Variants in PRH1 observed in about 807,000 individuals in gnomAD.
PRH1 encodes salivary acidic proline-rich phosphoprotein 1/2.
PRH1 carries 7 observed loss-of-function variants against 7.9 expected under a neutral mutation model. The observed-to-expected ratio is 0.89, with a 90% CI of 0.50 to 1.67. PRH1 has a LOEUF of 1.67. PRH1 is among the 40% of genes most tolerant of loss of function. PRH1 has a pLI of 0.00. For missense variants in PRH1, 109 were observed against 223.6 expected, an observed-to-expected ratio of 0.49 and a Z score of 3.27; for synonymous variants, 45 against 80.8, an observed-to-expected ratio of 0.56 and a Z score of 2.38.
chr12:11,151,015 C>T (rs1947064073), intron 1 of PRH1, among the ~76,000 whole-genome samples: 1 of 152,164 alleles, frequency 6.6e-6, no homozygotes, highest in Admixed American at 6.5e-5. Context: ...GCCTTTGAAA[C>T]TGGAGTCATA....
At position 10,997,961 on chromosome 12, in the gene PRH1, G is replaced by A. The variant is rs934160984; in HGVS notation, c.-125-24240C>T. The A allele has an allele frequency of 1.4e-5, 11 of 781,932 alleles. No individual in the cohort carries two copies. The African/African-American group carries it at 1.9e-4, about 14-fold the overall frequency. 48.4% of individuals were successfully genotyped at this position (781,932 alleles called of 1,614,324 possible). A position where few individuals can be genotyped will look rare whatever the true frequency, so the allele number is the denominator to read the frequency against. ...ATATTCAAGACTTTAAGTTAAATATGCACTTGATTCCTGAATGTCCAATAA... is the reference window on the plus strand; with the variant it reads ...ATATTCAAGACTTTAAGTTAAATATACACTTGATTCCTGAATGTCCAATAA... On this transcript the variant is annotated intron_variant, in intron 1 of 3. Transcript: ENST00000539853.
intron 1 of PRH1, among the ~76,000 whole-genome samples, chr12:11,031,778 T>C (rs887088367): frequency 3.3e-5 from 5 of 152,122 alleles, no homozygotes; most frequent in African/African-American, 1.2e-4. Flanking sequence ...CAGTGCACTG[T>C]TTGGTGCATT....
At chr12:11,099,361 A>C (rs1178619634) in intron 1 of PRH1, among the ~76,000 whole-genome samples, 1 of 141,676 alleles carries the variant, frequency 7.1e-6, no homozygotes, top group Non-Finnish European at 1.6e-5. Flanking sequence ...AAATTGGCCA[A>C]ACTCTATCTC....
In PRH1 at chr12:11,071,691, G is replaced by A. The variant is rs146341122; in HGVS notation, n.124-24503C>T. 2.6e-3 allele frequency among the ~76,000 whole-genome samples: 391 copies of A among 150,512 alleles called. 4 individuals are homozygous for A. Among genetic ancestry groups the A allele is most frequent in the African/African-American group, 8.8e-3 (361 of 41,076 alleles). On this transcript the variant is annotated intron_variant and non_coding_transcript_variant, in intron 1 of 4. Coordinates refer to the PRH1 transcript ENST00000541977. Reference sequence around the variant, plus strand: ...GCCAAGAAGGCCAGCAAGTTGGGGCGGCAGCTGACAGCACTCTTCCTTAGA... The same window carrying A: ...GCCAAGAAGGCCAGCAAGTTGGGGCAGCAGCTGACAGCACTCTTCCTTAGA...
At position 11,030,907 on chromosome 12, in the gene PRH1, T is replaced by C. The variant is rs115707514; in HGVS notation, c.-126+16113A>G. 859 of 1,522,834 alleles carry C rather than the reference T, an allele frequency of 5.6e-4. No homozygotes were observed. In the East Asian group the frequency reaches 0.016, roughly 29 times the overall value. The allele number at this position is 1,522,834 out of a possible 1,614,324, so 94.3% of individuals were successfully genotyped here. On this transcript the variant is annotated intron_variant, in intron 1 of 3. Coordinates refer to the PRH1 transcript ENST00000539853. Reference sequence around the variant, plus strand: ...TCTCTTTCATGTTTATCACAAAAAGTTGACAAGCCAAAAATAGTAAAGGCC... The same window carrying C: ...TCTCTTTCATGTTTATCACAAAAAGCTGACAAGCCAAAAATAGTAAAGGCC...
intron 1 of PRH1, among the ~76,000 whole-genome samples, chr12:11,057,289 C>T (rs892523209): frequency 3.3e-5 from 5 of 152,224 alleles, no homozygotes; most frequent in African/African-American, 1.2e-4. Flanking sequence ...TGAGCCATCA[C>T]ATCCAGCCTG....
At chr12:11,080,197 G>T (rs1321981672) in intron 1 of PRH1, among the ~76,000 whole-genome samples, 1 of 119,044 alleles carries the variant, frequency 8.4e-6, no homozygotes, top group East Asian at 2.1e-4. Context: ...TCAATAGCTT[G>T]GTTTGGCCCA....
At chr12:10,985,960 C>T in intron 1 of PRH1, 1 of 1,604,146 alleles carries the variant, frequency 6.2e-7, no homozygotes, top group Non-Finnish European at 8.5e-7. Context: ...AGGTCTTTTA[C>T]TCAGCACCTA....
At chr12:11,033,798 TCTC>T (rs1474292915) in intron 1 of PRH1, among the ~76,000 whole-genome samples, 1 of 152,168 alleles carries the variant, frequency 6.6e-6, no homozygotes, top group Non-Finnish European at 1.5e-5. Flanking sequence ...ATGAGATATT[TCTC>T]CTAATTACAA....
downstream of PRH1, among the ~76,000 whole-genome samples, chr12:11,119,237 TAG>T (rs1367635259): frequency 2.0e-5 from 3 of 151,634 alleles, no homozygotes; most frequent in Non-Finnish European, 4.4e-5. Flanking sequence ...CTCGTGGACA[TAG>T]AGAGTACATA....
chr12:11,170,306 G>A (rs1427047512), intron 1 of PRH1, among the ~76,000 whole-genome samples: 1 of 152,196 alleles, frequency 6.6e-6, no homozygotes, highest in Non-Finnish European at 1.5e-5. Flanking sequence ...CAGCACTTTG[G>A]GAGGCTGAGG....
At chr12:11,105,744 G>A (rs1240414429) in intron 1 of PRH1, among the ~76,000 whole-genome samples, 2 of 152,152 alleles carry the variant, frequency 1.3e-5, no homozygotes, top group Non-Finnish European at 2.9e-5. Context: ...CACACTGGTT[G>A]TATAACCTGG....
rs374103578 is a variant in PRH1, at chr12:11,133,410, G to C, written n.40-12230C>G. On this transcript the variant is annotated intron_variant and non_coding_transcript_variant, in intron 1 of 1. Coordinates refer to the PRH1 transcript ENST00000541175. Reference sequence around the variant, plus strand: ...TTTAGCTTCTTGTTTCCCAAAATCAGGATGAATGGGTGGGTTGAAGGATAG... The same window carrying C: ...TTTAGCTTCTTGTTTCCCAAAATCACGATGAATGGGTGGGTTGAAGGATAG... 4.2e-5 allele frequency: 67 copies of C among 1,613,820 alleles called. No individual in the cohort carries two copies. The African/African-American group carries it at 8.3e-4, about 20-fold the overall frequency.
rs1425132171 is a variant in PRH1 at position 10,964,664 on chromosome 12, G to A, written c.-59+8991C>T. 1.7e-5 allele frequency: 10 copies of A among 584,526 alleles called. No homozygotes were observed. In the East Asian group the frequency reaches 2.0e-4, roughly 12 times the overall value. 36.2% of individuals were successfully genotyped at this position (584,526 alleles called of 1,614,324 possible). On this transcript the variant is annotated intron_variant, in intron 2 of 3. Transcript: ENST00000539853. ...AAATAACAAGAGGAAGGAGGTCACC[G>A]TTTGCAAAGCTTTTATGTGGACCTT...
At chr12:11,138,324 T>C (rs1361282506) in intron 1 of PRH1, among the ~76,000 whole-genome samples, 1 of 152,204 alleles carries the variant, frequency 6.6e-6, no homozygotes, top group Non-Finnish European at 1.5e-5. Flanking sequence ...TAGCATTATA[T>C]ATGCACAAAC....
At chr12:11,155,339 T>A (rs965203524) in intron 1 of PRH1, among the ~76,000 whole-genome samples, 8 of 152,180 alleles carry the variant, frequency 5.3e-5, no homozygotes, top group Non-Finnish European at 1.0e-4. Flanking sequence ...TAGGTGTAGC[T>A]TTTCTCACTT....
intron 1 of PRH1, among the ~76,000 whole-genome samples, chr12:11,144,709 G>A (rs532618958): frequency 1.3e-5 from 2 of 152,204 alleles, no homozygotes; most frequent in Non-Finnish European, 2.9e-5. Flanking sequence ...TCCTGATGGA[G>A]TACTATGGTG....
rs1944344333 is a variant in PRH1 at position 11,077,783 on chromosome 12, A to G, written n.124-30595T>C. On this transcript the variant is annotated intron_variant and non_coding_transcript_variant, in intron 1 of 4. Transcript: ENST00000541977. ...ACATTTCCTTCATATTCTTTTGTCC[A>G]CACACTGTCATCCATGGTTATCACA... 10 of 1,173,876 alleles carry G rather than the reference A, an allele frequency of 8.5e-6. No individual in the cohort carries two copies. In the South Asian group the frequency reaches 9.4e-5, roughly 11 times the overall value. The allele number at this position is 1,173,876 out of a possible 1,614,324, so 72.7% of individuals were successfully genotyped here. A position where few individuals can be genotyped will look rare whatever the true frequency, so the allele number is the denominator to read the frequency against.
chr12:11,171,467 C>T (rs1444824585), upstream of PRH1: 9 of 1,232,214 alleles, frequency 7.3e-6, no homozygotes, highest in East Asian at 2.8e-4. Context: ...CCCTGCTCGC[C>T]TTCTTCGAGC....
Sources: gnomAD v4.1 joint callset for allele counts (sites outside exome capture counted in the v4.1 genomes callset) on GRCh38, gnomAD v4.1.1 for gene constraint, MANE v1.5 for transcripts, NCBI Gene and HGNC (gene_info 2026-07-23, HGNC 2026-07-21) for gene names.